Variants in SYT16 observed in about 807,000 individuals in gnomAD.
SYT16 encodes the protein synaptotagmin 16, also known as synaptotagmin-16.
Under a neutral mutation model 61.4 loss-of-function variants are expected in SYT16, and 42 were observed. The ratio of observed to expected loss-of-function variants is 0.68; its 90% CI spans 0.53 to 0.89. The LOEUF (loss-of-function observed/expected upper bound fraction) is 0.89. SYT16 is among the 40% of genes least tolerant of loss of function. The pLI, the probability that SYT16 is intolerant of heterozygous loss-of-function variation, is 0.00. For synonymous variants in SYT16, 314 were observed against 302.3 expected, an observed-to-expected ratio of 1.04 and a Z score of -0.40; for missense variants, 804 against 807.3, an observed-to-expected ratio of 1.00 and a Z score of 0.05.
At chr14:62,076,707 A>G (rs2056510128) in intron 5 of SYT16, among the ~76,000 whole-genome samples, 1 of 152,228 alleles carries the variant, frequency 6.6e-6, no homozygotes, top group Non-Finnish European at 1.5e-5. Context: ...CCGTTAGTTT[A>G]CTACCAAGCC....
intron 3 of SYT16, among the ~76,000 whole-genome samples, chr14:62,041,728 A>T (rs2054738417): frequency 6.6e-6 from 1 of 151,358 alleles, no homozygotes; most frequent in African/African-American, 2.4e-5. Context: ...TATTTTTTAG[A>T]TTTTTTTTCT....
At chr14:61,923,264 C>T (rs928817323) in intron 1 of SYT16, among the ~76,000 whole-genome samples, 1 of 152,124 alleles carries the variant, frequency 6.6e-6, no homozygotes, top group African/African-American at 2.4e-5. Flanking sequence ...CTCTCTCTCT[C>T]TACCTTTTTT....
In SYT16 at chr14:62,111,875, T is replaced by C. The variant is rs1327315779; in HGVS notation, c.*11168T>C. On this transcript the variant is annotated 3_prime_UTR_variant, in exon 8 of 8. Transcript: ENST00000683842. ...GGGTGTCCTTGTGTTTCTCATAGTA[T>C]GACTTATTGATTCATGGTGTCTCTT... The C allele has an allele frequency of 6.6e-6, 1 of 152,132 alleles. No individual in the cohort carries two copies. The highest frequency in any genetic ancestry group is 1.5e-5 in the Non-Finnish European group (1 of 67,970). 9.4% of individuals were successfully genotyped at this position (152,132 alleles called of 1,614,324 possible).
chr14:61,948,892 A>G (rs2050554635), intron 1 of SYT16, among the ~76,000 whole-genome samples: 1 of 152,200 alleles, frequency 6.6e-6, no homozygotes, highest in Non-Finnish European at 1.5e-5. Context: ...GTAAAGTTGA[A>G]GAATAAGGAT....
intron 1 of SYT16, among the ~76,000 whole-genome samples, chr14:61,862,921 T>A (rs1015078326): frequency 6.6e-6 from 1 of 152,236 alleles, no homozygotes; most frequent in African/African-American, 2.4e-5. Flanking sequence ...TGCATTTAAA[T>A]TTCCTCCATG....
chr14:62,023,893 G>A (rs1424263472), intron 3 of SYT16, among the ~76,000 whole-genome samples: 2 of 152,002 alleles, frequency 1.3e-5, no homozygotes, highest in Non-Finnish European at 1.5e-5. Context: ...TTTCAAACAT[G>A]TGCTAGTCTT....
intron 1 of SYT16, among the ~76,000 whole-genome samples, chr14:61,830,796 G>A (rs1313222551): frequency 1.3e-5 from 2 of 152,086 alleles, no homozygotes; most frequent in Non-Finnish European, 2.9e-5. Flanking sequence ...CTTCTTTCCC[G>A]ATCTTGTCTT....
chr14:61,859,457 C>T (rs187047590), intron 1 of SYT16, among the ~76,000 whole-genome samples: 4 of 152,154 alleles, frequency 2.6e-5, no homozygotes, highest in Admixed American at 2.6e-4. Context: ...TCAGACACCA[C>T]CTCCTCAAGC....
chr14:61,984,802 A>T (rs1053166246), intron 2 of SYT16, among the ~76,000 whole-genome samples: 2 of 152,184 alleles, frequency 1.3e-5, no homozygotes, highest in Non-Finnish European at 2.9e-5. Context: ...AATAGGTCAC[A>T]CATGTATGTA....
chr14:62,022,409 G>A (rs1224714289), intron 3 of SYT16, among the ~76,000 whole-genome samples: 1 of 151,812 alleles, frequency 6.6e-6, no homozygotes, highest in African/African-American at 2.4e-5. Flanking sequence ...TTGTTCTTTT[G>A]AAGCTAATAT....
Position 61,840,436 on chromosome 14 carries a change from T to C in SYT16, c.-325+27626T>C, listed in dbSNP as rs922827505. The stretch of plus-strand genomic sequence containing the variant: ...CGTTAAGGTGAAAACTGTGGGGATA[T>C]ACATGTTGATGAGTAGGAGGTTAAT... On this transcript the variant is annotated intron_variant, in intron 1 of 7. Transcript: ENST00000683842. 2.6e-4 allele frequency among the ~76,000 whole-genome samples: 39 copies of C among 152,192 alleles called. 1 individual carries two copies. Among genetic ancestry groups the C allele is most frequent in the African/African-American group, 8.9e-4 (37 of 41,522 alleles).
intron 3 of SYT16, among the ~76,000 whole-genome samples, chr14:62,046,340 A>T (rs1345194868): frequency 6.6e-6 from 1 of 151,846 alleles, no homozygotes; most frequent in Non-Finnish European, 1.5e-5. Flanking sequence ...TTCATTGTAG[A>T]TTCTGGATAT....
At chr14:61,927,677 G>C (rs192242187) in intron 1 of SYT16, among the ~76,000 whole-genome samples, 13 of 152,236 alleles carry the variant, frequency 8.5e-5, no homozygotes, top group South Asian at 2.1e-4. Context: ...CTACCTCCTC[G>C]TTAGCAAACA....
intron 3 of SYT16, among the ~76,000 whole-genome samples, chr14:62,066,968 T>G (rs534111540): frequency 6.6e-6 from 1 of 152,302 alleles, no homozygotes; most frequent in Non-Finnish European, 1.5e-5. Flanking sequence ...CTGCTGAACC[T>G]GCTGTAAGAG....
chr14:61,877,355 G>A (rs1246383437), intron 1 of SYT16, among the ~76,000 whole-genome samples: 1 of 152,188 alleles, frequency 6.6e-6, no homozygotes, highest in Non-Finnish European at 1.5e-5. Context: ...CAGGGAGGCA[G>A]AAACACAGAT....
chr14:62,067,485 C>T (rs1786133872), intron 3 of SYT16, among the ~76,000 whole-genome samples: 1 of 152,052 alleles, frequency 6.6e-6, no homozygotes, highest in African/African-American at 2.4e-5. Flanking sequence ...ACAATCTCGG[C>T]CTGTTGGAGA....
At chr14:61,912,936 G>C (rs765717196) in intron 1 of SYT16, among the ~76,000 whole-genome samples, 1 of 152,162 alleles carries the variant, frequency 6.6e-6, no homozygotes, top group Non-Finnish European at 1.5e-5. Flanking sequence ...AATGAATAAA[G>C]ATAAAAAGTG....
intron 2 of SYT16, among the ~76,000 whole-genome samples, chr14:61,980,600 C>T (rs951103961): frequency 3.3e-5 from 5 of 152,152 alleles, no homozygotes; most frequent in African/African-American, 1.2e-4. Flanking sequence ...ATCCATTCAA[C>T]ATTATTCGTT....
chr14:61,819,012 T>A (rs927461868), intron 1 of SYT16, among the ~76,000 whole-genome samples: 14 of 152,230 alleles, frequency 9.2e-5, no homozygotes, highest in Admixed American at 2.0e-4. Context: ...ATAAATAATT[T>A]CATACTGTTT....
Sources: allele counts gnomAD v4.1 joint callset (sites outside exome capture counted in the v4.1 genomes callset), GRCh38; gene constraint gnomAD v4.1.1; transcripts MANE v1.5; gene names NCBI Gene and HGNC (gene_info 2026-07-23, HGNC 2026-07-21).